The following KDM4B variants were observed in gnomAD, a reference collection of about 807,000 sequenced individuals.
KDM4B encodes the protein lysine demethylase 4B.
Under a neutral mutation model 125.2 loss-of-function variants are expected in KDM4B, and 32 were observed. That is an observed-to-expected ratio of 0.26 (90% confidence interval 0.19 to 0.34). The LOEUF (loss-of-function observed/expected upper bound fraction) is 0.34, where lower values mean the gene tolerates loss of function less well. Among genes scored for constraint, KDM4B ranks in the 10% least tolerant of loss-of-function variants. The pLI is 1.00. For missense variants in KDM4B, 1,190 were observed against 1,577.7 expected, an observed-to-expected ratio of 0.75 and a Z score of 4.16; for synonymous variants, 721 against 677.9, an observed-to-expected ratio of 1.06 and a Z score of -0.99.
intron 9 of KDM4B, among the ~76,000 whole-genome samples, chr19:5,101,773 C>T (rs56336330): frequency 0.11 from 16,218 of 151,550 alleles, 1,168 homozygotes; most frequent in East Asian, 0.23. Context: ...GTGCTTTTCC[C>T]GGGGATACCT....
In KDM4B at chr19:5,142,225, C is replaced by T. The variant is rs901510967; in HGVS notation, c.2551-1742C>T. On this transcript the variant is annotated intron_variant, in intron 18 of 22. Coordinates refer to ENST00000159111, the MANE Select transcript of KDM4B (RefSeq NM_015015.3). This position sits in a 1 kb window ranked among gnomAD's most constrained non-coding sequence, Gnocchi z 5.4. ...AGTGCCTGGGCCCTTCCAGGCCCCC[C>T]ACGGGCCGTAGACCCTGACTCCCCG... is the stretch of plus-strand genomic sequence containing the variant. Among the ~76,000 whole-genome samples the T allele has an allele frequency of 6.6e-6, 1 of 152,102 alleles. No individual in the cohort carries two copies.
At chr19:5,099,622 CAT>C (rs2038893467) in intron 9 of KDM4B, among the ~76,000 whole-genome samples, 2 of 152,226 alleles carry the variant, frequency 1.3e-5, no homozygotes, top group East Asian at 3.8e-4. Context: ...TTCTGAGAGA[CAT>C]ATGCTCCAGG....
intron 18 of KDM4B, chr19:5,140,570 A>G (rs775125785): frequency 6.6e-6 from 1 of 152,168 alleles, no homozygotes; most frequent in Non-Finnish European, 1.5e-5. Flanking sequence ...CCCCGTCTCT[A>G]CTGAAAATGC....
intron 1 of KDM4B, among the ~76,000 whole-genome samples, chr19:5,002,443 C>T (rs890382382): frequency 6.7e-6 from 1 of 149,176 alleles, no homozygotes. Flanking sequence ...ACTTTCTCTC[C>T]CCTTTCTCTC....
intron 1 of KDM4B, among the ~76,000 whole-genome samples, chr19:4,982,407 G>A (rs1203831850): frequency 2.4e-5 from 3 of 127,626 alleles, no homozygotes; most frequent in Non-Finnish European, 3.1e-5. Context: ...AGCCAAGATC[G>A]CACCACTGCG....
At chr19:5,044,643 G>A (rs2036966141) in intron 5 of KDM4B, among the ~76,000 whole-genome samples, 3 of 152,280 alleles carry the variant, frequency 2.0e-5, no homozygotes, top group Non-Finnish European at 4.4e-5. Context: ...TGCCTCCTGG[G>A]TTCAAGCGAT....
chr19:5,107,409 G>A (rs1221579586), intron 9 of KDM4B, among the ~76,000 whole-genome samples: 1 of 152,232 alleles, frequency 6.6e-6, no homozygotes, highest in African/African-American at 2.4e-5. Context: ...AGCGGGCGGG[G>A]CCTGTTCCCT....
chr19:5,104,695 G>C (rs564925364), intron 9 of KDM4B, among the ~76,000 whole-genome samples: 2 of 152,170 alleles, frequency 1.3e-5, no homozygotes, highest in South Asian at 4.1e-4. Flanking sequence ...CTTTTAGGTG[G>C]AGCGTATTGG....
chr19:5,067,611 G>A (rs2037813680), intron 6 of KDM4B, among the ~76,000 whole-genome samples: 3 of 149,758 alleles, frequency 2.0e-5, no homozygotes, highest in Middle Eastern at 3.4e-3. Context: ...CTTTGTGTCA[G>A]CAGGAGGTGG....
At chr19:5,117,044 C>CCCCTTGCTGTGTCTGTGCCG (rs1313919276) in intron 10 of KDM4B, among the ~76,000 whole-genome samples, 3 of 152,156 alleles carry the variant, frequency 2.0e-5, no homozygotes, top group East Asian at 3.8e-4. Context: ...GGGCTGTGCC[C>CCCCTTGCTGTGTCTGTGCCG]CCCTTGCTGT....
At chr19:5,111,253 A>G in intron 10 of KDM4B, 1 of 649,106 alleles carries the variant, frequency 1.5e-6, no homozygotes, top group Non-Finnish European at 2.8e-6. Flanking sequence ...CGCTGAGAGC[A>G]GTCGGGTTCC....
intron 6 of KDM4B, among the ~76,000 whole-genome samples, chr19:5,065,082 C>G (rs2037726699): frequency 6.6e-6 from 1 of 152,226 alleles, no homozygotes; most frequent in African/African-American, 2.4e-5. Context: ...GGGGCGTCAG[C>G]CAGGCAGGCA....
At chr19:5,030,091 G>A (rs932636141) in intron 2 of KDM4B, among the ~76,000 whole-genome samples, 3 of 152,168 alleles carry the variant, frequency 2.0e-5, no homozygotes, top group Non-Finnish European at 2.9e-5. Context: ...GGTGTGGGGA[G>A]CCCCCCTTTT....
intron 1 of KDM4B, among the ~76,000 whole-genome samples, chr19:5,007,142 C>T (rs1341187277): frequency 6.6e-6 from 1 of 152,238 alleles, no homozygotes; most frequent in Admixed American, 6.5e-5. Context: ...TGCCAACCTC[C>T]ATCTCCCATT....
Position 5,103,595 on chromosome 19 carries a change from TCCC to T in KDM4B, c.919-7025_919-7023del, listed in dbSNP as rs1433461474. ...GCAGCGGTGCTGAGGTTAGTCCAGGTCCCCTGAACTCGACGGCCATCAATCCCG... is the reference window on the plus strand; with the variant it reads ...GCAGCGGTGCTGAGGTTAGTCCAGGTCTGAACTCGACGGCCATCAATCCCG... On this transcript the variant is annotated intron_variant, in intron 9 of 22. Transcript: ENST00000159111. 3.3e-5 allele frequency among the ~76,000 whole-genome samples: 5 copies of T among 152,200 alleles called. No homozygotes were observed. The East Asian group carries it at 9.7e-4, about 29-fold the overall frequency.
At chr19:5,137,013 C>G (rs1018588639) in intron 15 of KDM4B, among the ~76,000 whole-genome samples, 9 of 152,210 alleles carry the variant, frequency 5.9e-5, no homozygotes, top group African/African-American at 2.2e-4. Context: ...TCCCTGCTTC[C>G]CCTCCTGCGT....
intron 1 of KDM4B, among the ~76,000 whole-genome samples, chr19:5,006,258 C>T (rs1175178928): frequency 6.6e-6 from 1 of 151,986 alleles, no homozygotes; most frequent in Non-Finnish European, 1.5e-5. Flanking sequence ...TAGTGTGCAC[C>T]CCATCCTCAG....
At chr19:5,021,206 A>G (rs2036109422) in intron 2 of KDM4B, among the ~76,000 whole-genome samples, 1 of 151,652 alleles carries the variant, frequency 6.6e-6, no homozygotes, top group African/African-American at 2.4e-5. Context: ...TGTGTCCTCC[A>G]GCTCTTGGGG....
At chr19:5,058,902 C>T (rs1323418619) in intron 6 of KDM4B, among the ~76,000 whole-genome samples, 1 of 152,208 alleles carries the variant, frequency 6.6e-6, no homozygotes, top group African/African-American at 2.4e-5. Flanking sequence ...CTGTCCCTGC[C>T]CACCGCTTTA....
Sources: gnomAD v4.1 joint callset for allele counts (sites outside exome capture counted in the v4.1 genomes callset) on GRCh38, gnomAD v4.1.1 for gene constraint, Gnocchi (gnomAD v3.1) non-coding constraint, MANE v1.5 for transcripts, NCBI Gene and HGNC (gene_info 2026-07-23, HGNC 2026-07-21) for gene names.